The following GALNT12 variants were observed in gnomAD, a reference collection of about 807,000 sequenced individuals.
GALNT12 encodes UDP-GalNAc:polypeptide N-acetylgalactosaminyltransferase 12.
In GALNT12, 45 loss-of-function variants were observed where a neutral mutation model predicts 55.5. The ratio of observed to expected loss-of-function variants is 0.81; its 90% CI spans 0.64 to 1.04. GALNT12 has a LOEUF of 1.04. GALNT12 is among the 50% of genes least tolerant of loss of function. The pLI is 0.00. For missense variants in GALNT12, 709 were observed against 754.8 expected (o/e 0.94, Z 0.71); for synonymous variants, 304 against 312.2 (o/e 0.97, Z 0.28).
chr9:98,840,576 C>T (rs543602890), intron 7 of GALNT12, among the ~76,000 whole-genome samples: 2 of 152,252 alleles, frequency 1.3e-5, no homozygotes, highest in South Asian at 4.1e-4. Context: ...GATAAAATGT[C>T]CAGTGTCTTT....
intron 8 of GALNT12, among the ~76,000 whole-genome samples, chr9:98,844,985 G>A (rs554272400): frequency 6.6e-6 from 1 of 152,294 alleles, no homozygotes; most frequent in South Asian, 2.1e-4. Flanking sequence ...AGATTCAGAT[G>A]TTGTTTTTTC....
chr9:98,817,744 G>A (rs1835646651), intron 1 of GALNT12, among the ~76,000 whole-genome samples: 1 of 152,168 alleles, frequency 6.6e-6, no homozygotes, highest in South Asian at 2.1e-4. Flanking sequence ...TTACAGGCAT[G>A]AGCCACTGCA....
At chr9:98,838,826 A>C (rs533698441) in intron 6 of GALNT12, among the ~76,000 whole-genome samples, 3 of 152,336 alleles carry the variant, frequency 2.0e-5, no homozygotes, top group Admixed American at 2.0e-4. Flanking sequence ...GGTAGCAATA[A>C]AATTCTCATT....
chr9:98,833,503 C>T (rs1056847081), intron 4 of GALNT12, among the ~76,000 whole-genome samples: 21 of 152,212 alleles, frequency 1.4e-4, no homozygotes, highest in Admixed American at 3.9e-4. Flanking sequence ...GCATGTGCTG[C>T]GTGCCATGTG....
chr9:98,838,911 G>T (rs901241527), intron 6 of GALNT12, among the ~76,000 whole-genome samples: 12 of 152,194 alleles, frequency 7.9e-5, no homozygotes, highest in Admixed American at 1.3e-4. Context: ...CTGATAGGAG[G>T]TAGAACTGGG....
intron 3 of GALNT12, among the ~76,000 whole-genome samples, chr9:98,829,153 T>TTACCTATC (rs1554755715): frequency 1.4e-5 from 2 of 141,864 alleles, no homozygotes; most frequent in African/African-American, 5.3e-5. Context: ...GTAATTTTTT[T>TTACCTATC]TATCTATCTA....
intron 1 of GALNT12, among the ~76,000 whole-genome samples, chr9:98,814,627 C>T (rs895222261): frequency 4.0e-5 from 6 of 151,518 alleles, no homozygotes; most frequent in Non-Finnish European, 8.8e-5. Context: ...GGAGAATTGC[C>T]TGAACCTGGG....
intron 9 of GALNT12, 36 bp from the exon 10 acceptor site, chr9:98,848,916 C>G: frequency 6.2e-7 from 1 of 1,613,598 alleles, no homozygotes; most frequent in Middle Eastern, 1.6e-4. Context: ...AGAGACTTTT[C>G]TGATGACTTG....
At chr9:98,848,783 G>T (rs1436193980) in intron 9 of GALNT12, 169 bp from the exon 10 acceptor site, 2 of 761,956 alleles carry the variant, frequency 2.6e-6, no homozygotes, top group Non-Finnish European at 2.2e-6. Context: ...TACAAGCCTG[G>T]TGCTGTGTCC....
At chr9:98,826,569 C>T (rs1835860076) in intron 2 of GALNT12, among the ~76,000 whole-genome samples, 183 bp from the exon 3 acceptor site, 1 of 152,150 alleles carries the variant, frequency 6.6e-6, no homozygotes, top group South Asian at 2.1e-4. Flanking sequence ...TCCTCCTGGC[C>T]TTCGGAGCAC....
intron 9 of GALNT12, among the ~76,000 whole-genome samples, chr9:98,846,409 G>A (rs1372282860): frequency 6.6e-6 from 1 of 152,134 alleles, no homozygotes; most frequent in Non-Finnish European, 1.5e-5. Flanking sequence ...ATGAGCTGCA[G>A]GCACCGACAT....
intron 1 of GALNT12, among the ~76,000 whole-genome samples, chr9:98,810,872 TAGTA>T (rs1377282900): frequency 6.6e-6 from 1 of 152,106 alleles, no homozygotes; most frequent in African/African-American, 2.4e-5. Context: ...CATGGTAACA[TAGTA>T]AGTATTAATA....
chr9:98,826,884 C>A lies in GALNT12; in HGVS notation c.674C>A (p.Thr225Asn), dbSNP rs867921388. 4 of 1,590,182 alleles carry A rather than the reference C, an allele frequency of 2.5e-6. No homozygotes were observed. The South Asian group carries it at 4.6e-5, about 18-fold the overall frequency. The part of the protein sequence containing the change: ...GASAARGDVL[T>N]FLDCHCECHE... ...TCTGCGGCGAGGGGCGATGTTCTGA[C>A]CTTCCTGGACTGTCACTGTGAGTGC... is the stretch of plus-strand genomic sequence containing the variant. The change falls in exon 3 of 10, where the codon ACC (threonine) becomes AAC (asparagine). Residue 225 changes from threonine (T) to asparagine (N), a missense_variant. This residue lies in a region of GALNT12 where 315 missense variants were observed against 288.6 expected (regional missense o/e 1.09). Coordinates refer to ENST00000375011, the MANE Select transcript of GALNT12 (RefSeq NM_024642.5).
intron 1 of GALNT12, among the ~76,000 whole-genome samples, chr9:98,810,989 C>T (rs934123044): frequency 2.6e-5 from 4 of 152,044 alleles, no homozygotes; most frequent in Non-Finnish European, 4.4e-5. Context: ...GAGATGATAG[C>T]GGGTCAAAGT....
At chr9:98,839,887 G>A (rs918151275) in intron 6 of GALNT12, 115 bp from the exon 7 acceptor site, 32 of 1,313,382 alleles carry the variant, frequency 2.4e-5, no homozygotes, top group Middle Eastern at 1.8e-4. Context: ...CCTGGCATGC[G>A]ACGAATGCTC....
intron 1 of GALNT12, among the ~76,000 whole-genome samples, chr9:98,818,532 C>T (rs1835666996): frequency 6.6e-6 from 1 of 151,842 alleles, no homozygotes; most frequent in Admixed American, 6.6e-5. Context: ...GCCAGCTGTC[C>T]CAACTTTTAT....
intron 8 of GALNT12, among the ~76,000 whole-genome samples, chr9:98,845,338 G>C (rs922725112): frequency 6.6e-6 from 1 of 152,140 alleles, no homozygotes; most frequent in African/African-American, 2.4e-5. Context: ...TGGGTGTCTT[G>C]TCAAAGATGC....
intron 4 of GALNT12, 150 bp from the exon 5 acceptor site, chr9:98,835,099 C>A: frequency 1.4e-6 from 1 of 727,784 alleles, no homozygotes; most frequent in South Asian, 1.5e-5. Flanking sequence ...TGCCTCCAGG[C>A]CCAGCCTAGT....
intron 1 of GALNT12, among the ~76,000 whole-genome samples, chr9:98,820,655 G>A (rs1835715893): frequency 6.6e-6 from 1 of 152,162 alleles, no homozygotes; most frequent in African/African-American, 2.4e-5. Context: ...CTGCCTCTAG[G>A]TCTTTGAGGA....
Sources: allele counts gnomAD v4.1 joint callset (sites outside exome capture counted in the v4.1 genomes callset), GRCh38; gene constraint gnomAD v4.1.1; regional missense constraint gnomAD v4.1.1; transcripts MANE v1.5; gene names NCBI Gene and HGNC (gene_info 2026-07-23, HGNC 2026-07-21).